PCDHGB6: variants seen among roughly 807,000 people sequenced by gnomAD.
The protein encoded by PCDHGB6 is protocadherin gamma subfamily B, 6, also known as protocadherin gamma-B6.
Under a neutral mutation model 59.1 loss-of-function variants are expected in PCDHGB6, and 51 were observed. The ratio of observed to expected loss-of-function variants is 0.86; its 90% CI spans 0.69 to 1.09. The LOEUF (loss-of-function observed/expected upper bound fraction) is 1.09. PCDHGB6 is among the 50% of genes least tolerant of loss of function. The pLI, the probability that PCDHGB6 is intolerant of heterozygous loss-of-function variation, is 0.00. For synonymous variants in PCDHGB6, 466 were observed against 495.1 expected (o/e 0.94, Z 0.78); for missense variants, 1,148 against 1,205.1 (o/e 0.95, Z 0.70).
At position 141,490,821 on chromosome 5, in the gene PCDHGB6, G is replaced by A. The variant is rs907584239; in HGVS notation, c.2419-3986G>A. On this transcript the variant is annotated intron_variant, in intron 1 of 3. Transcript: ENST00000520790. The surrounding 1 kb of genome is among the most constrained non-coding windows in gnomAD (Gnocchi z 5.4). ...AGCGTACCTTTGACTATGAATTGCT[G>A]CAGATGCTGCAGATTGTGGTGGGGG... 6.2e-7 allele frequency: 1 copy of A among 1,613,876 alleles called. No homozygotes were observed. Among genetic ancestry groups the A allele is most frequent in the Non-Finnish European group, 8.5e-7 (1 of 1,179,826 alleles).
Position 141,487,856 on chromosome 5 carries a change from T to C in PCDHGB6, c.2419-6951T>C. The C allele has an allele frequency of 2.0e-6, 2 of 977,364 alleles. No homozygotes were observed. The highest frequency in any genetic ancestry group is 3.0e-6 in the Non-Finnish European group (2 of 671,858). 60.5% of individuals were successfully genotyped at this position (977,364 alleles called of 1,614,324 possible). A position where few individuals can be genotyped will look rare whatever the true frequency, so the allele number is the denominator to read the frequency against. Reference sequence around the variant, plus strand: ...ATATCTGAGTAAGAAATGAAAGTAATTGGTGATCAAGAGCCAGGCTGTTGT... The same window carrying C: ...ATATCTGAGTAAGAAATGAAAGTAACTGGTGATCAAGAGCCAGGCTGTTGT... On this transcript the variant is annotated intron_variant, in intron 1 of 3. Transcript: ENST00000520790. The surrounding 1 kb of genome is among the most constrained non-coding windows in gnomAD (Gnocchi z 5.0).
chr5:141,470,100 G>A (rs1259251144), intron 1 of PCDHGB6, among the ~76,000 whole-genome samples: 2 of 152,178 alleles, frequency 1.3e-5, no homozygotes, highest in African/African-American at 4.8e-5. Context: ...CTACATTCCA[G>A]TCTGAGCAAC....
intron 1 of PCDHGB6, chr5:141,433,078 C>A (rs947684072): frequency 2.5e-5 from 40 of 1,614,144 alleles, no homozygotes; most frequent in Non-Finnish European, 3.3e-5. Context: ...TCCCCCAGCC[C>A]AACTATGCAG....
intron 1 of PCDHGB6, chr5:141,440,759 C>T (rs1160288117): frequency 1.3e-5 from 2 of 152,158 alleles, no homozygotes; most frequent in Admixed American, 6.6e-5. Flanking sequence ...AAGCAGAGCT[C>T]CCATCCCTTA....
chr5:141,486,030 C>A lies in PCDHGB6; in HGVS notation c.2419-8777C>A. The A allele has an allele frequency of 6.2e-7, 1 of 1,614,164 alleles. No homozygotes were observed. The highest frequency in any genetic ancestry group is 8.5e-7 in the Non-Finnish European group (1 of 1,180,012). ...ACCTTTTATTTCAGTGGTCATACCC[C>A]TGATCGTGTAAGAAACCTCTTTAGC... On this transcript the variant is annotated intron_variant, in intron 1 of 3. Coordinates refer to ENST00000520790, the MANE Select transcript of PCDHGB6 (RefSeq NM_018926.3). The surrounding 1 kb of genome is among the most constrained non-coding windows in gnomAD (Gnocchi z 5.0).
intron 3 of PCDHGB6, among the ~76,000 whole-genome samples, chr5:141,506,038 G>C (rs2099850248): frequency 6.6e-6 from 1 of 152,174 alleles, no homozygotes; most frequent in South Asian, 2.1e-4. Context: ...GTAGGATTCT[G>C]GTTTTCCCAT....
rs776632782 is a variant in PCDHGB6, at chr5:141,415,681, A to G, written c.2418+5061A>G. 6.3e-5 allele frequency: 95 copies of G among 1,518,728 alleles called. 2 individuals are homozygous for G. In the Middle Eastern group the frequency reaches 2.1e-3, roughly 34 times the overall value. 94.1% of individuals were successfully genotyped at this position (1,518,728 alleles called of 1,614,324 possible). A position where few individuals can be genotyped will look rare whatever the true frequency, so the allele number is the denominator to read the frequency against. Reference sequence around the variant, plus strand: ...TGGTTTTTACTTTGAAGTTTGCGGCATGATGGTGGAAAGTGTAAATGCTAA... The same window carrying G: ...TGGTTTTTACTTTGAAGTTTGCGGCGTGATGGTGGAAAGTGTAAATGCTAA... On this transcript the variant is annotated intron_variant, in intron 1 of 3. Transcript: ENST00000520790.
intron 1 of PCDHGB6, 108 bp from the exon 2 acceptor site, chr5:141,494,699 T>G: frequency 6.3e-7 from 1 of 1,592,240 alleles, no homozygotes; most frequent in East Asian, 2.3e-5. Context: ...GTCCGTTTTC[T>G]TCTCTGTGCC....
At position 141,485,062 on chromosome 5, in the gene PCDHGB6, C is replaced by A; in HGVS notation, c.2419-9745C>A. 1 of 876,340 alleles carries A rather than the reference C, an allele frequency of 1.1e-6. No individual in the cohort carries two copies. Among genetic ancestry groups the A allele is most frequent in the African/African-American group, 1.7e-5 (1 of 59,510 alleles). The allele number at this position is 876,340 out of a possible 1,614,324, so 54.3% of individuals were successfully genotyped here. On this transcript the variant is annotated intron_variant, in intron 1 of 3. Coordinates refer to ENST00000520790, the MANE Select transcript of PCDHGB6 (RefSeq NM_018926.3). This position sits in a 1 kb window ranked among gnomAD's most constrained non-coding sequence, Gnocchi z 5.7. ...CCTTGCGGCGCCGGCCGAACCGCGC[C>A]AGAGCTGGCGCGGGGAAAGGGAGAT...
intron 1 of PCDHGB6, among the ~76,000 whole-genome samples, chr5:141,456,023 G>A (rs937523861): frequency 1.3e-5 from 2 of 151,586 alleles, no homozygotes; most frequent in South Asian, 2.1e-4. Context: ...TCAGCCTCCC[G>A]AGTAGCTGGG....
At chr5:141,501,334 C>CA (rs2099808390) in intron 2 of PCDHGB6, among the ~76,000 whole-genome samples, 1 of 145,376 alleles carries the variant, frequency 6.9e-6, no homozygotes, top group Non-Finnish European at 1.5e-5. Flanking sequence ...CACACACACA[C>CA]CCCAAACTCA....
At chr5:141,479,937 C>G (rs1322238189) in intron 1 of PCDHGB6, among the ~76,000 whole-genome samples, 1 of 152,212 alleles carries the variant, frequency 6.6e-6, no homozygotes, top group African/African-American at 2.4e-5. Context: ...TCATTGCTAT[C>G]AACTCTTGGA....
At chr5:141,415,824 CT>C (rs1412807947) in intron 1 of PCDHGB6, 8 of 1,306,364 alleles carry the variant, frequency 6.1e-6, no homozygotes, top group Non-Finnish European at 7.8e-6. Flanking sequence ...TATCATAAGG[CT>C]TTGTTATGAT....
At chr5:141,414,918 G>A (rs1316323072) in intron 1 of PCDHGB6, 2 of 1,614,180 alleles carry the variant, frequency 1.2e-6, no homozygotes, top group Admixed American at 3.3e-5. Flanking sequence ...GCGTGGAGCT[G>A]GCGCCCCGCT....
chr5:141,482,981 A>C (rs1377809325), intron 1 of PCDHGB6, among the ~76,000 whole-genome samples: 1 of 150,250 alleles, frequency 6.7e-6, no homozygotes, highest in Non-Finnish European at 1.5e-5. Context: ...GCTACTTGAG[A>C]GGTCGAGGCA....
intron 1 of PCDHGB6, among the ~76,000 whole-genome samples, chr5:141,438,397 C>A (rs950830331): frequency 6.6e-6 from 1 of 151,624 alleles, no homozygotes. Context: ...TCATCATTAA[C>A]TCTCTGAAGT....
In PCDHGB6 at chr5:141,477,247, T is replaced by C; in HGVS notation, c.2419-17560T>C. On this transcript the variant is annotated intron_variant, in intron 1 of 3. Transcript: ENST00000520790. This position sits in a 1 kb window ranked among gnomAD's most constrained non-coding sequence, Gnocchi z 4.9. ...CTGTCATCGCTTTGCTCAGTGTGAC[T>C]GACCTGGATGCTGGCGAGAACGGGC... The C allele has an allele frequency of 6.2e-7, 1 of 1,614,208 alleles. No individual in the cohort carries two copies. Among genetic ancestry groups the C allele is most frequent in the Non-Finnish European group, 8.5e-7 (1 of 1,180,040 alleles).
chr5:141,413,695 T>C lies in PCDHGB6; in HGVS notation c.2418+3075T>C, dbSNP rs573363878. The C allele has an allele frequency of 4.8e-5, 77 of 1,613,796 alleles. 1 individual carries two copies. The highest frequency in any genetic ancestry group is 3.0e-4 in the South Asian group (27 of 91,078). ...TGTGGGCGTGAACTCCCTGCAGAGC[T>C]ATCAGCTCAGCCCCAATAAGCACTT... On this transcript the variant is annotated intron_variant, in intron 1 of 3. Transcript: ENST00000520790.
chr5:141,507,613 T>G (rs1003099044), intron 3 of PCDHGB6, among the ~76,000 whole-genome samples: 1 of 152,248 alleles, frequency 6.6e-6, no homozygotes, highest in African/African-American at 2.4e-5. Context: ...ACAGGTATAT[T>G]TAGCTGTTGT....
Sources: gnomAD v4.1 joint callset for allele counts (sites outside exome capture counted in the v4.1 genomes callset) on GRCh38, gnomAD v4.1.1 for gene constraint, Gnocchi (gnomAD v3.1) non-coding constraint, MANE v1.5 for transcripts, NCBI Gene and HGNC (gene_info 2026-07-23, HGNC 2026-07-21) for gene names.